Variants in LMX1B observed in about 807,000 individuals in gnomAD.
LMX1B encodes LIM homeobox transcription factor 1 beta, also known as LIM homeobox transcription factor 1-beta.
A neutral mutation model predicts 51.4 loss-of-function variants in LMX1B; 12 were observed. That is an observed-to-expected ratio of 0.23 (90% CI 0.15 to 0.38). The LOEUF (loss-of-function observed/expected upper bound fraction) is 0.38. Ranked by LOEUF, LMX1B falls within the 10% of genes least tolerant of loss-of-function variation. The pLI is 1.00. For missense variants in LMX1B, 445 were observed against 571.1 expected (o/e 0.78, Z 2.25); for synonymous variants, 237 against 235.4 (o/e 1.01, Z -0.06).
intron 2 of LMX1B, among the ~76,000 whole-genome samples, chr9:126,676,048 CAAA>C (rs34471786): frequency 0.02 from 1,652 of 82,484 alleles, 28 homozygotes; most frequent in Middle Eastern, 0.11. Context: ...GACTCCGTCT[CAAA>C]AAAAAAAAAA....
chr9:126,678,609 T>C (rs983870732), intron 2 of LMX1B, among the ~76,000 whole-genome samples: 1 of 152,216 alleles, frequency 6.6e-6, no homozygotes, highest in Admixed American at 6.5e-5. Context: ...ATCCTGATCC[T>C]GGGGAAAATT....
rs1183020237 is a variant in LMX1B at position 126,658,380 on chromosome 9, C to T, written c.327-32456C>T. On this transcript the variant is annotated intron_variant, in intron 2 of 7. Coordinates refer to ENST00000373474, the MANE Select transcript of LMX1B (RefSeq NM_001174147.2). The surrounding 1 kb of genome is among the most constrained non-coding windows in gnomAD (Gnocchi z 4.0). ...CAGCCTCAAATTCGGCTGGCCCTCC[C>T]CCTGGCTGCCGGGCCCGGGCACCCC... 1.3e-5 allele frequency among the ~76,000 whole-genome samples: 2 copies of T among 150,064 alleles called. No homozygotes were observed. The highest frequency in any genetic ancestry group is 4.0e-4 in the East Asian group (2 of 4,946).
Position 126,614,463 on chromosome 9 carries a change from C to G in LMX1B, c.14C>G (p.Thr5Arg), listed in dbSNP as rs1361745034. The G allele has an allele frequency of 6.4e-7, 1 of 1,568,960 alleles. No homozygotes were observed. The highest frequency in any genetic ancestry group is 1.2e-5 in the South Asian group (1 of 85,344). Residue 5 changes from threonine to arginine, a missense_variant, in exon 1 of 8, where the codon ACA (threonine) becomes AGA (arginine). Physicochemically the swap from Thr to Arg is moderately conservative, Grantham distance 71. This residue lies in a region of LMX1B where 273 missense variants were observed against 343.3 expected (regional missense o/e 0.80). Coordinates refer to ENST00000373474, the MANE Select transcript of LMX1B (RefSeq NM_001174147.2). MDIA[T>R]GPESLERCFP... Reference sequence around the variant, plus strand: ...GCCCCGCGTCCCATGGATATAGCAACAGGTCCCGAGTCGCTGGAGAGGTGC... The same window carrying G: ...GCCCCGCGTCCCATGGATATAGCAAGAGGTCCCGAGTCGCTGGAGAGGTGC...
chr9:126,638,113 G>A (rs961888065), intron 2 of LMX1B, among the ~76,000 whole-genome samples: 8 of 152,144 alleles, frequency 5.3e-5, no homozygotes, highest in African/African-American at 1.9e-4. Flanking sequence ...GGGAGAGGGG[G>A]CAGCAGTTCC....
intron 2 of LMX1B, among the ~76,000 whole-genome samples, chr9:126,628,517 A>C (rs1835574473): frequency 6.6e-6 from 1 of 152,232 alleles, no homozygotes; most frequent in Non-Finnish European, 1.5e-5. Context: ...GGTTCAGGAC[A>C]TGGCTTTGGA....
At chr9:126,620,519 G>A (rs558788882) in intron 2 of LMX1B, among the ~76,000 whole-genome samples, 1 of 152,322 alleles carries the variant, frequency 6.6e-6, no homozygotes, top group East Asian at 1.9e-4. Flanking sequence ...AAACCTGATT[G>A]TGTGGGTGCG....
chr9:126,644,287 G>A (rs970121020), intron 2 of LMX1B, among the ~76,000 whole-genome samples: 4 of 152,190 alleles, frequency 2.6e-5, no homozygotes, highest in South Asian at 4.1e-4. Context: ...CATAAAGTGC[G>A]AGTTTGGAAA....
In LMX1B at chr9:126,615,470, G is replaced by T; in HGVS notation, c.227G>T (p.Trp76Leu). The T allele has an allele frequency of 6.2e-7, 1 of 1,610,786 alleles. No homozygotes were observed. The highest frequency in any genetic ancestry group is 8.5e-7 in the Non-Finnish European group (1 of 1,178,532). The change falls in exon 2 of 8, where the codon TGG becomes TTG. Residue 76 changes from tryptophan (W) to leucine (L), a missense_variant. By Grantham distance (61) the Trp-to-Leu change is moderately conservative. Around this residue, in one of 3 missense-constraint regions of LMX1B, gnomAD observed 273 missense variants for 343.3 expected, o/e 0.80. Coordinates refer to ENST00000373474, the MANE Select transcript of LMX1B (RefSeq NM_001174147.2). The surrounding 1 kb of genome is among the most constrained non-coding windows in gnomAD (Gnocchi z 6.0). Reference protein sequence around the residue: ...RFLMRVNESSWHEECLQCAAC... With the variant: ...RFLMRVNESSLHEECLQCAAC... ...CTGATGCGAGTCAACGAGTCGTCCTGGCACGAGGAGTGTTTGCAGTGCGCG... is the reference window on the plus strand; with the variant it reads ...CTGATGCGAGTCAACGAGTCGTCCTTGCACGAGGAGTGTTTGCAGTGCGCG...
intron 2 of LMX1B, among the ~76,000 whole-genome samples, chr9:126,623,700 AG>A (rs888046944): frequency 7.2e-5 from 11 of 152,098 alleles, no homozygotes; most frequent in African/African-American, 2.7e-4. Flanking sequence ...CCAGCCTGGG[AG>A]GGGTGGGGAG....
rs1835816439 is a variant in LMX1B, at chr9:126,641,952, A to G, written c.326+26383A>G. Among the ~76,000 whole-genome samples, 1 of 152,184 alleles carries G rather than the reference A, an allele frequency of 6.6e-6. No individual in the cohort carries two copies. The highest frequency in any genetic ancestry group is 2.4e-5 in the African/African-American group (1 of 41,432). On this transcript the variant is annotated intron_variant, in intron 2 of 7. Transcript: ENST00000373474. This position sits in a 1 kb window ranked among gnomAD's most constrained non-coding sequence, Gnocchi z 4.1. ...CCAGCTTATCCCCATTTTACAGATGACGCAACAGCCTCAGAGCAGACCCAT... is the reference window on the plus strand; with the variant it reads ...CCAGCTTATCCCCATTTTACAGATGGCGCAACAGCCTCAGAGCAGACCCAT...
chr9:126,632,791 A>G (rs1835655167), intron 2 of LMX1B, among the ~76,000 whole-genome samples: 1 of 152,052 alleles, frequency 6.6e-6, no homozygotes, highest in Non-Finnish European at 1.5e-5. Flanking sequence ...AGCAGGGGTG[A>G]CCCACTTAGC....
At chr9:126,688,456 G>A (rs910332564) in intron 2 of LMX1B, among the ~76,000 whole-genome samples, 5 of 152,244 alleles carry the variant, frequency 3.3e-5, no homozygotes, top group African/African-American at 4.8e-5. Flanking sequence ...CTCAGAGGCC[G>A]CAGAGGTCAG....
In LMX1B at chr9:126,615,094, C is replaced by T. The variant is rs559683568; in HGVS notation, c.140-289C>T. Among the ~76,000 whole-genome samples the T allele has an allele frequency of 1.3e-5, 2 of 152,094 alleles. No homozygotes were observed. The highest frequency in any genetic ancestry group is 2.4e-5 in the African/African-American group (1 of 41,438). On this transcript the variant is annotated intron_variant, in intron 1 of 7. Transcript: ENST00000373474. The surrounding 1 kb of genome is among the most constrained non-coding windows in gnomAD (Gnocchi z 6.0). ...CCAGCCGGCCACCCTGCGCCGTGCT[C>T]GTTGTCATTTGTCTTAACACGGAGC...
chr9:126,694,703 C>T lies in LMX1B; in HGVS notation c.886+891C>T, dbSNP rs141575955. 3.3e-5 allele frequency among the ~76,000 whole-genome samples: 5 copies of T among 152,300 alleles called. 1 individual carries two copies. The highest frequency in any genetic ancestry group is 4.1e-4 in the South Asian group (2 of 4,834). On this transcript the variant is annotated intron_variant, in intron 6 of 7. Coordinates refer to ENST00000373474, the MANE Select transcript of LMX1B (RefSeq NM_001174147.2). Reference sequence around the variant, plus strand: ...GGCACTGGGGGCCAGGCCAGTGTCCCAGGCTGGACTTGGCTTCTAATGACA... The same window carrying T: ...GGCACTGGGGGCCAGGCCAGTGTCCTAGGCTGGACTTGGCTTCTAATGACA...
At position 126,696,538 on chromosome 9, in the gene LMX1B, C is replaced by A; in HGVS notation, c.*87C>A. The A allele has an allele frequency of 1.3e-6, 2 of 1,492,250 alleles. No individual in the cohort carries two copies. Among genetic ancestry groups the A allele is most frequent in the South Asian group, 1.1e-5 (1 of 87,874 alleles). 92.4% of individuals were successfully genotyped at this position (1,492,250 alleles called of 1,614,324 possible). A position where few individuals can be genotyped will look rare whatever the true frequency, so the allele number is the denominator to read the frequency against. ...CCAGCCTGGCCACCCCCGCCCTGCT[C>A]TCCGCACAGACTACAGACAGCCATA... On this transcript the variant is annotated 3_prime_UTR_variant, in exon 8 of 8. Transcript: ENST00000373474.
chr9:126,673,152 G>C lies in LMX1B; in HGVS notation c.327-17684G>C, dbSNP rs1056271697. ...CATTCTCCTTGCCTTCCAGGGTCGAGAGGAGATGAGAACTCCAGAAGCTCG... is the reference window on the plus strand; with the variant it reads ...CATTCTCCTTGCCTTCCAGGGTCGACAGGAGATGAGAACTCCAGAAGCTCG... On this transcript the variant is annotated intron_variant, in intron 2 of 7. Transcript: ENST00000373474. The surrounding 1 kb of genome is among the most constrained non-coding windows in gnomAD (Gnocchi z 4.4). 3.3e-5 allele frequency among the ~76,000 whole-genome samples: 5 copies of C among 152,220 alleles called. No homozygotes were observed. Among genetic ancestry groups the C allele is most frequent in the African/African-American group, 9.6e-5 (4 of 41,454 alleles).
intron 2 of LMX1B, among the ~76,000 whole-genome samples, chr9:126,667,143 G>A (rs575559296): frequency 1.3e-4 from 20 of 152,276 alleles, no homozygotes; most frequent in Non-Finnish European, 1.9e-4. Flanking sequence ...GATGCGTAAC[G>A]TTCCAGGCCT....
chr9:126,645,646 A>AGGGT (rs1168698715), intron 2 of LMX1B, among the ~76,000 whole-genome samples: 1 of 152,122 alleles, frequency 6.6e-6, no homozygotes, highest in Non-Finnish European at 1.5e-5. Flanking sequence ...GGCAAGGCTG[A>AGGGT]GGGTGGAAGA....
At chr9:126,622,612 C>G (rs1161993095) in intron 2 of LMX1B, among the ~76,000 whole-genome samples, 1 of 152,254 alleles carries the variant, frequency 6.6e-6, no homozygotes, top group Admixed American at 6.5e-5. Context: ...TCTCCCGCCT[C>G]CTGCCTTCCA....
Sources: gnomAD v4.1 joint callset for allele counts (sites outside exome capture counted in the v4.1 genomes callset) on GRCh38, gnomAD v4.1.1 for gene constraint, gnomAD v4.1.1 regional missense constraint, Gnocchi (gnomAD v3.1) non-coding constraint, MANE v1.5 for transcripts, NCBI Gene and HGNC (gene_info 2026-07-23, HGNC 2026-07-21) for gene names.